Variants in UBR4 observed in about 807,000 individuals in gnomAD.
UBR4 encodes ubiquitin protein ligase E3 component n-recognin 4.
A neutral mutation model predicts 575.6 loss-of-function variants in UBR4; 124 were observed. The ratio of observed to expected loss-of-function variants is 0.22; its 90% confidence interval spans 0.19 to 0.25. UBR4 has a LOEUF of 0.25. Among genes scored for constraint, UBR4 ranks in the 10% least tolerant of loss-of-function variants. The pLI, the probability that UBR4 is intolerant of heterozygous loss-of-function variation, is 1.00. For synonymous variants in UBR4, 2,455 were observed against 2,473.7 expected (o/e 0.99, Z 0.22); for missense variants, 4,818 against 6,478.8 (o/e 0.74, Z 8.80).
In UBR4 at chr1:19,100,119, AC is replaced by A; in HGVS notation, c.13221+256del. On this transcript the variant is annotated intron_variant, in intron 89 of 105. Coordinates refer to ENST00000375254, the MANE Select transcript of UBR4 (RefSeq NM_020765.3). The surrounding 1 kb of genome is among the most constrained non-coding windows in gnomAD (Gnocchi z 4.2). ...GAGGCAATAACGATAATAAATACCC[AC>A]CACCACTACAACCAACAGCCATTAA... The A allele has an allele frequency of 1.9e-6, 1 of 521,638 alleles. No individual in the cohort carries two copies. Among genetic ancestry groups the A allele is most frequent in the South Asian group, 2.9e-5 (1 of 34,870 alleles). The allele number at this position is 521,638 out of a possible 1,614,324, so 32.3% of individuals were successfully genotyped here.
At chr1:19,165,154 T>C in intron 31 of UBR4, 95 bp downstream of exon 31, 7 of 1,486,296 alleles carry the variant, frequency 4.7e-6, no homozygotes, top group Non-Finnish European at 5.6e-6. Flanking sequence ...CTCGTTAGCA[T>C]TTTCATGCTG....
In UBR4 at chr1:19,135,446, G is replaced by A. The variant is rs192142724; in HGVS notation, c.8906+2561C>T. On this transcript the variant is annotated intron_variant, in intron 60 of 105. Transcript: ENST00000375254. ...ACACATAACTCCAGCCAAAATTTAT[G>A]ACTAGGATTATATGGCTCTATATCA... 2.4e-3 allele frequency among the ~76,000 whole-genome samples: 365 copies of A among 152,268 alleles called. 2 individuals carry two copies. The highest frequency in any genetic ancestry group is 8.4e-3 in the African/African-American group (348 of 41,554).
At chr1:19,171,504 G>A (rs1158284866) in intron 25 of UBR4, among the ~76,000 whole-genome samples, 1 of 152,148 alleles carries the variant, frequency 6.6e-6, no homozygotes, top group East Asian at 1.9e-4. Context: ...AAGAGACAAG[G>A]TTAGTTAAGT....
chr1:19,148,187 T>C (rs2085133299), intron 50 of UBR4, 60 bp from the exon 51 acceptor site: 1 of 1,547,912 alleles, frequency 6.5e-7, no homozygotes, highest in Non-Finnish European at 8.7e-7. Context: ...GAATGAACTA[T>C]CTACACTCTG....
In UBR4 at chr1:19,153,667, T is replaced by C. The variant is rs1008623484; in HGVS notation, c.6630+101A>G. 2.7e-6 allele frequency: 4 copies of C among 1,504,092 alleles called. No individual in the cohort carries two copies. In the African/African-American group the frequency reaches 4.2e-5, roughly 16 times the overall value. 93.2% of individuals were successfully genotyped at this position (1,504,092 alleles called of 1,614,324 possible). ...AAGAAAAAGGACTGAAAATCTTTTATGGGCCTCCATTGAAAGAGCTGGGAA... is the reference window on the plus strand; with the variant it reads ...AAGAAAAAGGACTGAAAATCTTTTACGGGCCTCCATTGAAAGAGCTGGGAA... On this transcript the variant is annotated intron_variant, in intron 45 of 105. Transcript: ENST00000375254. This position sits in a 1 kb window ranked among gnomAD's most constrained non-coding sequence, Gnocchi z 4.1.
Position 19,118,892 on chromosome 1 carries a change from G to C in UBR4, c.10521C>G (p.His3507Gln). The C allele has an allele frequency of 6.2e-7, 1 of 1,614,206 alleles. No individual in the cohort carries two copies. The highest frequency in any genetic ancestry group is 8.5e-7 in the Non-Finnish European group (1 of 1,180,028). ...LRTQNHILTNHPNSNIYNTLS... is the reference protein window; with the variant it reads ...LRTQNHILTNQPNSNIYNTLS... ...CTCACTTATAAATGTTCGAGTTGGG[G>C]TGGTTGGTAAGAATATGGTTTTGAG... is the stretch of plus-strand genomic sequence containing the variant. The change falls in exon 71 of 106, where the codon CAC becomes CAG. Residue 3507 changes from histidine (H) to glutamine (Q), a missense_variant. Around this residue, in one of 29 missense-constraint regions of UBR4, gnomAD observed 550 missense variants for 791.5 expected, o/e 0.69. Coordinates refer to ENST00000375254, the MANE Select transcript of UBR4 (RefSeq NM_020765.3).
At chr1:19,085,211 C>G (rs1197717124) in intron 101 of UBR4, among the ~76,000 whole-genome samples, 1 of 152,252 alleles carries the variant, frequency 6.6e-6, no homozygotes, top group East Asian at 1.9e-4. Context: ...TGCATCTCAT[C>G]TGTACAATGT....
intron 60 of UBR4, among the ~76,000 whole-genome samples, chr1:19,135,830 G>C (rs537433236): frequency 1.3e-5 from 2 of 152,086 alleles, no homozygotes; most frequent in East Asian, 3.9e-4. Context: ...CAAAATAAAA[G>C]ACACTAGCCC....
At chr1:19,086,583 G>A (rs1387712226) in intron 100 of UBR4, 96 bp downstream of exon 100, 3 of 1,520,922 alleles carry the variant, frequency 2.0e-6, no homozygotes, top group African/African-American at 2.8e-5. Context: ...CAGAGACTAA[G>A]GAGCAGATTT....
At chr1:19,134,854 C>T (rs894422276) in intron 60 of UBR4, among the ~76,000 whole-genome samples, 7 of 152,184 alleles carry the variant, frequency 4.6e-5, no homozygotes, top group Non-Finnish European at 1.5e-5. Flanking sequence ...CCCGACCCCA[C>T]TCTAGCCTAG....
intron 87 of UBR4, among the ~76,000 whole-genome samples, chr1:19,103,349 G>T (rs2078849709): frequency 6.6e-6 from 1 of 152,164 alleles, no homozygotes; most frequent in African/African-American, 2.4e-5. Context: ...CGGATCATCT[G>T]GGGTCGGGAG....
In UBR4 at chr1:19,195,966, TTA is replaced by T. The variant is rs1491289423; in HGVS notation, c.1018+1173_1018+1174del. 3.8e-5 allele frequency among the ~76,000 whole-genome samples: 4 copies of T among 105,180 alleles called. 1 individual carries two copies. The highest frequency in any genetic ancestry group is 1.2e-4 in the African/African-American group (3 of 24,302). 69.0% of individuals were successfully genotyped at this position (105,180 alleles called of 152,430 possible). A position where few individuals can be genotyped will look rare whatever the true frequency, so the allele number is the denominator to read the frequency against. On this transcript the variant is annotated intron_variant, in intron 8 of 105. Coordinates refer to ENST00000375254, the MANE Select transcript of UBR4 (RefSeq NM_020765.3). ...ACAGCCATAAAACCTACAGACTTAC[TTA>T]TACACACACACACACACACACACAC...
chr1:19,167,170 A>G lies in UBR4; in HGVS notation c.3961T>C (p.Ser1321Pro), dbSNP rs746645111. The change falls in exon 29 of 106, where the codon TCA becomes CCA. Residue 1321 changes from serine (S) to proline (P), a missense_variant. This residue lies in a region of UBR4 where 1,172 missense variants were observed against 1,259.7 expected (regional missense o/e 0.93). Transcript: ENST00000375254. ...IRTLLPLLLE[S>P]STESVAEISS... ...ATCTCGGCAACACTCTCAGTGCTTG[A>G]TTCCAAAAGAAGAGGTAGCAGTGTC... is the stretch of plus-strand genomic sequence containing the variant. The G allele has an allele frequency of 6.2e-7, 1 of 1,614,228 alleles. No homozygotes were observed. Among genetic ancestry groups the G allele is most frequent in the South Asian group, 1.1e-5 (1 of 91,090 alleles).
chr1:19,173,040 A>G lies in UBR4; in HGVS notation c.3345T>C (p.Ile1115=). Residue 1115 remains isoleucine, a synonymous_variant, in exon 25 of 106, where the codon ATT becomes ATC. Coordinates refer to ENST00000375254, the MANE Select transcript of UBR4 (RefSeq NM_020765.3). ...GGGTGTAGATGGACTGCAGACTGGGAATTTCATGCAGCTGCAAGATGGTGG... is the reference window on the plus strand; with the variant it reads ...GGGTGTAGATGGACTGCAGACTGGGGATTTCATGCAGCTGCAAGATGGTGG... ...DCTTILQLHE[I]PSLQSIYTLD... 6.2e-7 allele frequency: 1 copy of G among 1,614,190 alleles called. No homozygotes were observed. The highest frequency in any genetic ancestry group is 8.5e-7 in the Non-Finnish European group (1 of 1,180,028).
At chr1:19,104,727 A>C (rs1570517839) in intron 85 of UBR4, 61 bp from the exon 86 acceptor site, 2 of 1,540,000 alleles carry the variant, frequency 1.3e-6, no homozygotes, top group Non-Finnish European at 1.8e-6. Flanking sequence ...AGTTACCTCC[A>C]CCACTGTCCC....
intron 101 of UBR4, 46 bp downstream of exon 101, chr1:19,086,099 C>T (rs372636462): frequency 1.2e-6 from 2 of 1,605,426 alleles, no homozygotes; most frequent in Non-Finnish European, 1.7e-6. Context: ...TGTCCCATCC[C>T]CTGCAAATCC....
At chr1:19,171,617 G>C (rs2089549439) in intron 25 of UBR4, among the ~76,000 whole-genome samples, 1 of 152,142 alleles carries the variant, frequency 6.6e-6, no homozygotes, top group South Asian at 2.1e-4. Context: ...GAGGCAGGTG[G>C]ATCACCTGAG....
Position 19,105,038 on chromosome 1 carries a change from G to T in UBR4, c.12645+10C>A. 1 of 1,613,164 alleles carries T rather than the reference G, an allele frequency of 6.2e-7. No individual in the cohort carries two copies. The highest frequency in any genetic ancestry group is 8.5e-7 in the Non-Finnish European group (1 of 1,179,504). ...GGGAAGGGGCTCTCTTGGGCAATAG[G>T]GTAGGATACCTTGGTGATGAGGTTG... On this transcript the variant is annotated intron_variant, in intron 85 of 105. Transcript: ENST00000375254.
chr1:19,173,532 G>T lies in UBR4; in HGVS notation c.3072C>A (p.Ser1024=). Residue 1024 remains serine, a synonymous_variant, in exon 23 of 106, where the codon TCC becomes TCA. Coordinates refer to ENST00000375254, the MANE Select transcript of UBR4 (RefSeq NM_020765.3). The part of the protein sequence containing the change: ...PPSKTYINQL[S]MNSPEMSECD... ...ATTCGCTCATCTCAGGTGAGTTCAT[G>T]GATAGCTGGTTAATGTAAGTCTTTG... 1.2e-6 allele frequency: 2 copies of T among 1,614,112 alleles called. No homozygotes were observed. Among genetic ancestry groups the T allele is most frequent in the South Asian group, 2.2e-5 (2 of 91,080 alleles).
Sources: allele counts gnomAD v4.1 joint callset (sites outside exome capture counted in the v4.1 genomes callset), GRCh38; gene constraint gnomAD v4.1.1; regional missense constraint gnomAD v4.1.1; non-coding constraint Gnocchi (gnomAD v3.1); transcripts MANE v1.5; gene names NCBI Gene and HGNC (gene_info 2026-07-23, HGNC 2026-07-21).